The following IL18R1 variants were observed in gnomAD, a reference collection of about 807,000 sequenced individuals.
IL18R1 encodes interleukin-18 receptor 1.
IL18R1 carries 40 observed loss-of-function variants against 48.5 expected under a neutral mutation model. The ratio of observed to expected loss-of-function variants is 0.82; its 90% CI spans 0.64 to 1.07. IL18R1 has a LOEUF of 1.07. Ranked by LOEUF, IL18R1 falls within the 50% of genes least tolerant of loss-of-function variation. The probability of loss-of-function intolerance (pLI) is 0.00; values close to 1 mark genes in which losing one functional copy is unlikely to be tolerated. For synonymous variants in IL18R1, 232 were observed against 225.9 expected (o/e 1.03, Z -0.24); for missense variants, 596 against 633.7 (o/e 0.94, Z 0.64).
At chr2:102,386,615 C>A (rs1186723132) in intron 7 of IL18R1, among the ~76,000 whole-genome samples, 2 of 152,174 alleles carry the variant, frequency 1.3e-5, no homozygotes, top group African/African-American at 4.8e-5. Flanking sequence ...GATCTTCCAG[C>A]CATTTAAACT....
chr2:102,387,429 C>T (rs1471474822), intron 8 of IL18R1, among the ~76,000 whole-genome samples: 29 of 152,200 alleles, frequency 1.9e-4, no homozygotes, highest in Admixed American at 1.8e-3. Context: ...GGCTCAGGGT[C>T]CTTGTGTGTG....
intron 4 of IL18R1, among the ~76,000 whole-genome samples, chr2:102,374,777 C>CAA (rs57492319): frequency 1.4e-5 from 2 of 139,198 alleles, no homozygotes; most frequent in African/African-American, 5.4e-5. Flanking sequence ...TACTCCGTCT[C>CAA]AAAAAAAAAA....
chr2:102,362,020 C>T (rs41524745), intron 1 of IL18R1, among the ~76,000 whole-genome samples: 213 of 152,286 alleles, frequency 1.4e-3, no homozygotes, highest in Non-Finnish European at 2.6e-3. Context: ...GCATACACAC[C>T]TATGCCTCAG....
At chr2:102,382,388 C>A (rs936866000) in intron 6 of IL18R1, among the ~76,000 whole-genome samples, 2 of 152,046 alleles carry the variant, frequency 1.3e-5, no homozygotes, top group African/African-American at 2.4e-5. Flanking sequence ...CACTTTGAAT[C>A]AATTGACTGA....
intron 9 of IL18R1, among the ~76,000 whole-genome samples, chr2:102,394,193 A>G (rs914565573): frequency 6.6e-6 from 1 of 152,114 alleles, no homozygotes; most frequent in Non-Finnish European, 1.5e-5. Context: ...CTTCTAAGGA[A>G]CTTAAAGACT....
chr2:102,381,913 G>A (rs540842015), intron 6 of IL18R1, among the ~76,000 whole-genome samples: 1 of 152,256 alleles, frequency 6.6e-6, no homozygotes, highest in East Asian at 1.9e-4. Context: ...CCTGTGGTCT[G>A]TAGACTAAGG....
rs573995337 is a variant in IL18R1, at chr2:102,393,135, G to A, written c.1112-1334G>A. 4.3e-4 allele frequency among the ~76,000 whole-genome samples: 65 copies of A among 152,214 alleles called. 2 individuals are homozygous for A. In the South Asian group the frequency reaches 0.013, roughly 31 times the overall value. On this transcript the variant is annotated intron_variant, in intron 9 of 10. Transcript: ENST00000233957. ...TAAGAAAATTATGCCCTTTAAAAAAGTGTGCTCATTTAATTGTCTTACATG... is the reference window on the plus strand; with the variant it reads ...TAAGAAAATTATGCCCTTTAAAAAAATGTGCTCATTTAATTGTCTTACATG...
At chr2:102,376,747 A>T (rs1161463926) in intron 5 of IL18R1, among the ~76,000 whole-genome samples, 3 of 152,206 alleles carry the variant, frequency 2.0e-5, no homozygotes, top group Non-Finnish European at 4.4e-5. Context: ...CTGGGACATT[A>T]AAGGTATTTA....
chr2:102,356,688 G>A (rs1678268822), intron 1 of IL18R1, among the ~76,000 whole-genome samples: 1 of 152,170 alleles, frequency 6.6e-6, no homozygotes, highest in Admixed American at 6.5e-5. Flanking sequence ...GCCTGACACT[G>A]TAGAAAATTT....
At chr2:102,362,112 G>C (rs1678611101) in intron 1 of IL18R1, among the ~76,000 whole-genome samples, 1 of 152,192 alleles carries the variant, frequency 6.6e-6, no homozygotes, top group Non-Finnish European at 1.5e-5. Context: ...AATAGACTTA[G>C]TGCCTAGAAT....
intron 1 of IL18R1, among the ~76,000 whole-genome samples, chr2:102,362,051 T>A (rs1678607175): frequency 6.6e-6 from 1 of 152,220 alleles, no homozygotes; most frequent in Admixed American, 6.5e-5. Context: ...TAGTGAGTGC[T>A]GGCCATGTGC....
chr2:102,360,523 A>G (rs970535334), intron 1 of IL18R1, among the ~76,000 whole-genome samples: 1 of 152,190 alleles, frequency 6.6e-6, no homozygotes, highest in African/African-American at 2.4e-5. Context: ...TCGGCCTCCC[A>G]AAGTGCTGGG....
chr2:102,386,822 G>A (rs765452059), intron 7 of IL18R1, 39 bp from the exon 8 acceptor site: 40 of 1,609,530 alleles, frequency 2.5e-5, no homozygotes, highest in African/African-American at 5.4e-5. Flanking sequence ...CAAGGGTAAC[G>A]AACAGAGCCT....
Position 102,397,148 on chromosome 2 carries a change from G to A in IL18R1, c.*262G>A. 1 of 398,718 alleles carries A rather than the reference G, an allele frequency of 2.5e-6. No homozygotes were observed. The highest frequency in any genetic ancestry group is 4.5e-6 in the Non-Finnish European group (1 of 224,700). The allele number at this position is 398,718 out of a possible 1,614,324, so 24.7% of individuals were successfully genotyped here. ...TCTCCCTCTTTCATAACTGGATGCA[G>A]CTGCTCATACTCAATCCCATATTCA... On this transcript the variant is annotated 3_prime_UTR_variant, in exon 11 of 11. Transcript: ENST00000233957.
At chr2:102,375,711 C>G (rs1189241315) in intron 4 of IL18R1, among the ~76,000 whole-genome samples, 196 bp from the exon 5 acceptor site, 1 of 152,156 alleles carries the variant, frequency 6.6e-6, no homozygotes, top group Non-Finnish European at 1.5e-5. Flanking sequence ...TAATGATAAT[C>G]ATGCCAACAG....
At position 102,390,299 on chromosome 2, in the gene IL18R1, G is replaced by A. The variant is rs1009939975; in HGVS notation, c.1111+82G>A. On this transcript the variant is annotated intron_variant, in intron 9 of 10. Transcript: ENST00000233957. ...AATAGGCATTAATCTTCATCTTATT[G>A]TGATGATATTGTAGAATTAATCTGT... is the stretch of plus-strand genomic sequence containing the variant. The A allele has an allele frequency of 5.6e-6, 7 of 1,248,074 alleles. No homozygotes were observed. In the South Asian group the frequency reaches 6.5e-5, roughly 12 times the overall value. The allele number at this position is 1,248,074 out of a possible 1,614,324, so 77.3% of individuals were successfully genotyped here.
intron 4 of IL18R1, among the ~76,000 whole-genome samples, chr2:102,374,832 G>C (rs1182793765): frequency 7.2e-5 from 11 of 152,004 alleles, no homozygotes. Context: ...GAGCATTGGT[G>C]CACCAAGGAT....
At chr2:102,383,352 A>T (rs1441513437) in intron 6 of IL18R1, among the ~76,000 whole-genome samples, 4 of 152,202 alleles carry the variant, frequency 2.6e-5, no homozygotes, top group African/African-American at 9.6e-5. Context: ...CTAATCTTTT[A>T]TCTGCTTGTT....
chr2:102,393,050 GTAATA>G (rs1480411995), intron 9 of IL18R1, among the ~76,000 whole-genome samples: 1 of 152,162 alleles, frequency 6.6e-6, no homozygotes, highest in African/African-American at 2.4e-5. Context: ...TATATTGTAT[GTAATA>G]TAAACCCATA....
Sources: allele counts gnomAD v4.1 joint callset (sites outside exome capture counted in the v4.1 genomes callset), GRCh38; gene constraint gnomAD v4.1.1; transcripts MANE v1.5; gene names NCBI Gene and HGNC (gene_info 2026-07-23, HGNC 2026-07-21).